The following L3MBTL2 variants were observed in gnomAD, a reference collection of about 807,000 sequenced individuals.
The protein encoded by L3MBTL2 is L3MBTL histone methyl-lysine binding protein 2, also known as lethal(3)malignant brain tumor-like protein 2.
L3MBTL2 carries 49 observed loss-of-function variants against 86.4 expected under a neutral mutation model. The ratio of observed to expected loss-of-function variants is 0.57; its 90% CI spans 0.45 to 0.72. The LOEUF is 0.72. Among genes scored for constraint, L3MBTL2 ranks in the 30% least tolerant of loss-of-function variants. The pLI, the probability that L3MBTL2 is intolerant of heterozygous loss-of-function variation, is 0.00. For missense variants in L3MBTL2, 755 were observed against 923.7 expected (o/e 0.82, Z 2.37); for synonymous variants, 336 against 350.6 (o/e 0.96, Z 0.47).
At chr22:41,230,089 C>CCCCCCCCCCCCATTTTT in intron 16 of L3MBTL2, 50 bp from the exon 17 acceptor site, 1 of 873,242 alleles carries the variant, frequency 1.1e-6, no homozygotes, top group Non-Finnish European at 1.8e-6. Context: ...GCCCCCACCC[C>CCCCCCCCCCCCATTTTT]TCCCAGAGTT....
chr22:41,230,089 CTCCCAGAGTTATTTACTCG>C, intron 16 of L3MBTL2, 31 bp from the exon 17 acceptor site: 2 of 873,234 alleles, frequency 2.3e-6, no homozygotes, highest in South Asian at 1.6e-5. Flanking sequence ...GCCCCCACCC[CTCCCAGAGTTATTTACTCG>C]CCCACCCACC....
rs1222194278 is a variant in L3MBTL2, at chr22:41,214,231, AC to A, written c.396+207del. The A allele has an allele frequency of 2.4e-5, 13 of 538,684 alleles. No homozygotes were observed. In the Admixed American group the frequency reaches 4.1e-4, roughly 17 times the overall value. 33.4% of individuals were successfully genotyped at this position (538,684 alleles called of 1,614,324 possible). On this transcript the variant is annotated intron_variant, in intron 3 of 16. Transcript: ENST00000216237. ...TAGGTTCCTGAAGCTACGCTCCATT[AC>A]CTACCATCATCCCCCAGAGTCTGGT...
At chr22:41,220,686 C>T (rs1268517317) in intron 6 of L3MBTL2, 48 bp from the exon 7 acceptor site, 2 of 1,548,092 alleles carry the variant, frequency 1.3e-6, no homozygotes, top group East Asian at 2.3e-5. Context: ...CAGAACATAC[C>T]TTCCCCAGCT....
intron 15 of L3MBTL2, chr22:41,228,392 G>T (rs547610816): frequency 1.0e-6 from 1 of 985,482 alleles, no homozygotes; most frequent in South Asian, 4.7e-5. Flanking sequence ...TCACTCTACA[G>T]ATTCTGAGCC....
Position 41,227,015 on chromosome 22 carries a change from G to T in L3MBTL2, c.1588-74G>T, listed in dbSNP as rs17002359. ...GCCCCTCCCTGCCAGTTCTTCAAGT[G>T]CCTCCGGGCCGGGGCAAGCCTGCTG... On this transcript the variant is annotated intron_variant, in intron 13 of 16. Coordinates refer to ENST00000216237, the MANE Select transcript of L3MBTL2 (RefSeq NM_031488.5). This position sits in a 1 kb window ranked among gnomAD's most constrained non-coding sequence, Gnocchi z 6.0. The T allele has an allele frequency of 3.4e-3, 4,575 of 1,334,032 alleles. 122 individuals carry two copies. The African/African-American group carries it at 0.058, about 17-fold the overall frequency. 82.6% of individuals were successfully genotyped at this position (1,334,032 alleles called of 1,614,324 possible).
intron 8 of L3MBTL2, 153 bp downstream of exon 8, chr22:41,221,440 C>T: frequency 5.9e-6 from 4 of 683,392 alleles, no homozygotes; most frequent in Non-Finnish European, 7.6e-6. Context: ...AATGCTGCTG[C>T]TACGTGGTTG....
chr22:41,224,497 G>A lies in L3MBTL2; in HGVS notation c.1175-228G>A, dbSNP rs2032049372. Among the ~76,000 whole-genome samples, 1 of 152,196 alleles carries A rather than the reference G, an allele frequency of 6.6e-6. No homozygotes were observed. On this transcript the variant is annotated intron_variant, in intron 9 of 16. Transcript: ENST00000216237. The surrounding 1 kb of genome is among the most constrained non-coding windows in gnomAD (Gnocchi z 4.9). ...CCGATCCTCTCCCCTGTCAATGCGG[G>A]AGCAGTCTGGGTTTCGAGGGCTGAA...
intron 6 of L3MBTL2, among the ~76,000 whole-genome samples, chr22:41,220,429 T>C (rs1199768037): frequency 6.6e-6 from 1 of 151,954 alleles, no homozygotes; most frequent in Non-Finnish European, 1.5e-5. Flanking sequence ...GGCTCACGCC[T>C]GTAATCCCAG....
Position 41,224,712 on chromosome 22 carries a change from A to C in L3MBTL2, c.1175-13A>C. 6.2e-7 allele frequency: 1 copy of C among 1,606,858 alleles called. No homozygotes were observed. The highest frequency in any genetic ancestry group is 8.5e-7 in the Non-Finnish European group (1 of 1,173,622). On this transcript the variant is annotated splice_polypyrimidine_tract_variant and intron_variant, in intron 9 of 16. Transcript: ENST00000216237. The surrounding 1 kb of genome is among the most constrained non-coding windows in gnomAD (Gnocchi z 4.9). ...CCCTTCTCTCCCTCATTCCCTATCC[A>C]TCTCCTCCAAAGAGAGGCGAAGTGA...
chr22:41,221,832 T>C (rs1323719967), intron 8 of L3MBTL2, among the ~76,000 whole-genome samples: 2 of 152,198 alleles, frequency 1.3e-5, no homozygotes, highest in East Asian at 1.9e-4. Context: ...CTCAATCTCC[T>C]GACCTCGTGA....
chr22:41,209,434 A>G (rs1569135638), intron 1 of L3MBTL2: 2 of 411,452 alleles, frequency 4.9e-6, no homozygotes, highest in Admixed American at 7.2e-5. Flanking sequence ...TTCTATTTGA[A>G]CCATGTTAAA....
At chr22:41,215,072 C>T (rs1033081670) in intron 3 of L3MBTL2, among the ~76,000 whole-genome samples, 2 of 152,128 alleles carry the variant, frequency 1.3e-5, no homozygotes, top group African/African-American at 2.4e-5. Context: ...GTAGCCTGGA[C>T]AGAGATTGGA....
chr22:41,216,312 G>C (rs1479582477), intron 4 of L3MBTL2, 50 bp downstream of exon 4: 1 of 1,594,740 alleles, frequency 6.3e-7, no homozygotes, highest in Non-Finnish European at 8.6e-7. Flanking sequence ...CTGGGGAGGA[G>C]ACTGGGTTTG....
At chr22:41,217,833 CTT>C (rs1166446819) in intron 5 of L3MBTL2, 2 of 152,562 alleles carry the variant, frequency 1.3e-5, no homozygotes, top group Non-Finnish European at 2.9e-5. Flanking sequence ...AGTAGGGAGT[CTT>C]TTACCCAGAG....
intron 1 of L3MBTL2, 138 bp downstream of exon 1, chr22:41,205,524 C>T: frequency 5.7e-6 from 6 of 1,045,318 alleles, no homozygotes; most frequent in South Asian, 5.2e-5. Flanking sequence ...TTAAACTGAG[C>T]CAGGGGCAGA....
At chr22:41,206,793 C>T (rs1481299800) in intron 1 of L3MBTL2, among the ~76,000 whole-genome samples, 2 of 149,426 alleles carry the variant, frequency 1.3e-5, no homozygotes, top group Admixed American at 1.3e-4. Flanking sequence ...GACGACAGAG[C>T]GAGACTGTGT....
chr22:41,218,922 G>A (rs1168800014), intron 5 of L3MBTL2: 1 of 154,316 alleles, frequency 6.5e-6, no homozygotes, highest in African/African-American at 2.4e-5. Context: ...CACCATGCCT[G>A]GCCCCCTGGA....
chr22:41,205,530 G>A, intron 1 of L3MBTL2, 144 bp downstream of exon 1: 4 of 1,006,986 alleles, frequency 4.0e-6, no homozygotes, highest in East Asian at 2.4e-5. Context: ...TGAGCCAGGG[G>A]CAGAGGCAAT....
intron 8 of L3MBTL2, among the ~76,000 whole-genome samples, chr22:41,222,651 G>T (rs907806304): frequency 2.6e-5 from 4 of 151,802 alleles, no homozygotes; most frequent in African/African-American, 9.7e-5. Context: ...ACGGCACAGT[G>T]GCTTACTCCT....
Sources: allele counts gnomAD v4.1 joint callset (sites outside exome capture counted in the v4.1 genomes callset), GRCh38; gene constraint gnomAD v4.1.1; non-coding constraint Gnocchi (gnomAD v3.1); transcripts MANE v1.5; gene names NCBI Gene and HGNC (gene_info 2026-07-23, HGNC 2026-07-21).